NCALD: variants seen among roughly 807,000 people sequenced by gnomAD.
NCALD encodes the protein neurocalcin-delta.
Under a neutral mutation model 18.6 loss-of-function variants are expected in NCALD, and 10 were observed. The observed-to-expected ratio is 0.54, with a 90% CI of 0.33 to 0.91. NCALD has a LOEUF of 0.91. Ranked by LOEUF, NCALD falls within the 40% of genes least tolerant of loss-of-function variation. The pLI is 0.03. For missense variants in NCALD, 184 were observed against 247.6 expected (o/e 0.74, Z 1.72); for synonymous variants, 88 against 87.4 (o/e 1.01, Z -0.04).
intron 2 of NCALD, among the ~76,000 whole-genome samples, chr8:102,018,613 G>A (rs1822169327): frequency 6.6e-6 from 1 of 152,164 alleles, no homozygotes; most frequent in Non-Finnish European, 1.5e-5. Context: ...CTATAAAGGT[G>A]CACACTTTCA....
chr8:101,896,279 T>G (rs1163168640), intron 3 of NCALD, among the ~76,000 whole-genome samples: 14 of 152,042 alleles, frequency 9.2e-5, no homozygotes, highest in Admixed American at 9.2e-4. Flanking sequence ...ATTCCCTATT[T>G]AATAAGTGGT....
chr8:101,694,459 G>A (rs1283662152), intron 2 of NCALD: 5 of 152,208 alleles, frequency 3.3e-5, no homozygotes, highest in African/African-American at 9.7e-5. Flanking sequence ...CTCACCCAGT[G>A]TGCTGGCCCT....
chr8:101,694,989 C>A (rs116526203), intron 2 of NCALD, among the ~76,000 whole-genome samples: 2 of 152,128 alleles, frequency 1.3e-5, no homozygotes, highest in South Asian at 4.2e-4. Context: ...TTGCTTTGCT[C>A]CCACAGTGGA....
chr8:101,850,673 G>A (rs764834399), intron 4 of NCALD, among the ~76,000 whole-genome samples: 2 of 152,126 alleles, frequency 1.3e-5, no homozygotes, highest in Non-Finnish European at 2.9e-5. Context: ...CTTTTACTGT[G>A]TTGTATGTTT....
intron 1 of NCALD, among the ~76,000 whole-genome samples, chr8:102,057,257 T>TACACACACAC (rs3085988): frequency 0.077 from 11,429 of 147,646 alleles, 696 homozygotes; most frequent in African/African-American, 0.16. Flanking sequence ...GGCTAGTTCA[T>TACACACACAC]ACACACACAC....
At chr8:101,967,453 G>T (rs557525399) in intron 2 of NCALD, among the ~76,000 whole-genome samples, 2 of 152,208 alleles carry the variant, frequency 1.3e-5, no homozygotes, top group East Asian at 1.9e-4. Context: ...CCCTTGTTCG[G>T]AAGGGACAGG....
In NCALD at chr8:101,834,655, C is replaced by T. The variant is rs1158995634; in HGVS notation, c.-20+52486G>A. ...GCACATGTAGAAGTATGATTTTCCC[C>T]AGGAAATAACCTGGTTTTTAACAGG... On this transcript the variant is annotated intron_variant, in intron 4 of 6. Transcript: ENST00000311028. 3.9e-5 allele frequency among the ~76,000 whole-genome samples: 6 copies of T among 152,338 alleles called. No individual in the cohort carries two copies. The East Asian group carries it at 1.2e-3, about 29-fold the overall frequency.
intron 2 of NCALD, among the ~76,000 whole-genome samples, chr8:101,985,052 CA>C (rs1330161171): frequency 1.3e-5 from 2 of 152,188 alleles, no homozygotes; most frequent in Non-Finnish European, 2.9e-5. Context: ...ATCCCTTAAT[CA>C]AAGGGTGAAA....
At chr8:102,124,063 G>A (rs1365773383) in intron 1 of NCALD, 1 of 152,260 alleles carries the variant, frequency 6.6e-6, no homozygotes, top group Non-Finnish European at 1.5e-5. Context: ...CACCCAGGAG[G>A]GAGCTGCTGG....
intron 1 of NCALD, chr8:101,721,444 C>G (rs1816352037): frequency 6.6e-6 from 1 of 152,288 alleles, no homozygotes; most frequent in Non-Finnish European, 1.5e-5. Flanking sequence ...AAAGTGGAAA[C>G]ATGGAATAAT....
intron 2 of NCALD, among the ~76,000 whole-genome samples, chr8:101,698,892 G>A (rs1459262091): frequency 5.9e-5 from 9 of 151,624 alleles, no homozygotes; most frequent in Admixed American, 3.9e-4. Context: ...TGATGAAAAC[G>A]CCAAAAGCAA....
intron 1 of NCALD, among the ~76,000 whole-genome samples, chr8:102,061,212 T>A (rs1055330413): frequency 6.6e-5 from 10 of 152,206 alleles, no homozygotes; most frequent in Non-Finnish European, 1.5e-4. Context: ...GGAGAAAGCA[T>A]CAGCTTCTCT....
intron 1 of NCALD, among the ~76,000 whole-genome samples, chr8:102,115,490 T>C (rs1267860086): frequency 6.6e-6 from 1 of 152,146 alleles, no homozygotes; most frequent in Non-Finnish European, 1.5e-5. Flanking sequence ...ACAGAATAAT[T>C]GATGCCCTGG....
intron 4 of NCALD, among the ~76,000 whole-genome samples, chr8:101,872,928 C>T (rs1428477699): frequency 6.6e-6 from 1 of 152,154 alleles, no homozygotes; most frequent in Non-Finnish European, 1.5e-5. Flanking sequence ...GAGAGAGAGA[C>T]TCCGAAAGTC....
chr8:101,884,698 G>GTTTGCT lies in NCALD; in HGVS notation c.-20+2442_-20+2443insAGCAAA, dbSNP rs1816611856. Reference sequence around the variant, plus strand: ...TTTTCTACATACTAATACAAAAGCAGTTTGTTTTTGTTTTTGTTTTTCACC... The same window carrying GTTTGCT: ...TTTTCTACATACTAATACAAAAGCAGTTTGCTTTTGTTTTTGTTTTTGTTTTTCACC... On this transcript the variant is annotated intron_variant, in intron 4 of 6. Coordinates refer to the NCALD transcript ENST00000311028. Among the ~76,000 whole-genome samples the GTTTGCT allele has an allele frequency of 1.3e-5, 2 of 151,378 alleles. 1 individual carries two copies. The highest frequency in any genetic ancestry group is 4.2e-4 in the South Asian group (2 of 4,796).
chr8:101,708,566 G>T (rs1053272379), intron 2 of NCALD, among the ~76,000 whole-genome samples: 1 of 152,234 alleles, frequency 6.6e-6, no homozygotes, highest in Non-Finnish European at 1.5e-5. Flanking sequence ...GATAGCCCAT[G>T]CAGGTGCTGT....
chr8:101,797,917 A>AT (rs1465829573), intron 4 of NCALD, among the ~76,000 whole-genome samples: 1 of 152,126 alleles, frequency 6.6e-6, no homozygotes, highest in Non-Finnish European at 1.5e-5. Context: ...CCATGGGACT[A>AT]TAAAAAAAAA....
chr8:102,102,425 G>T (rs765568130), intron 1 of NCALD, among the ~76,000 whole-genome samples: 13 of 152,202 alleles, frequency 8.5e-5, no homozygotes, highest in Non-Finnish European at 1.5e-4. Context: ...AACCCTTGCT[G>T]GGGGTCCCCT....
intron 2 of NCALD, among the ~76,000 whole-genome samples, chr8:101,704,963 T>C (rs371582646): frequency 6.6e-6 from 1 of 151,828 alleles, no homozygotes; most frequent in Non-Finnish European, 1.5e-5. Flanking sequence ...CGGTGGCTCA[T>C]GCCTGTAATC....
Sources: gnomAD v4.1 joint callset for allele counts (sites outside exome capture counted in the v4.1 genomes callset) on GRCh38, gnomAD v4.1.1 for gene constraint, MANE v1.5 for transcripts, NCBI Gene and HGNC (gene_info 2026-07-23, HGNC 2026-07-21) for gene names.